Variants in SLC9A2 observed in about 807,000 individuals in gnomAD.
SLC9A2 encodes sodium/hydrogen exchanger 2.
Under a neutral mutation model 71.7 loss-of-function variants are expected in SLC9A2, and 42 were observed. The ratio of observed to expected loss-of-function variants is 0.59; its 90% CI spans 0.46 to 0.76. The LOEUF (loss-of-function observed/expected upper bound fraction) is 0.76, where lower values mean the gene tolerates loss of function less well. Among genes scored for constraint, SLC9A2 ranks in the 30% least tolerant of loss-of-function variants. The pLI, the probability that SLC9A2 is intolerant of heterozygous loss-of-function variation, is 0.00. For synonymous variants in SLC9A2, 396 were observed against 392.5 expected (o/e 1.01, Z -0.10); for missense variants, 829 against 1,017.4 (o/e 0.81, Z 2.52).
At chr2:102,655,140 T>G in intron 1 of SLC9A2, among the ~76,000 whole-genome samples, 1 of 152,132 alleles carries the variant, frequency 6.6e-6, no homozygotes, top group East Asian at 1.9e-4. Flanking sequence ...GTAATAACAC[T>G]TAGCTTGAAA....
At chr2:102,635,088 C>T (rs114529518) in intron 1 of SLC9A2, among the ~76,000 whole-genome samples, 1,556 of 152,312 alleles carry the variant, frequency 0.01, 26 homozygotes, top group African/African-American at 0.036. Flanking sequence ...TGGAAAGAAT[C>T]TTAAAGTAAA....
At chr2:102,691,650 G>T (rs2215944) in intron 5 of SLC9A2, among the ~76,000 whole-genome samples, 53,421 of 152,088 alleles carry the variant, frequency 0.35, 11,316 homozygotes, top group African/African-American at 0.6. Context: ...AAAGGGCGAC[G>T]ATTAAAAGGG....
chr2:102,630,644 A>G (rs960652039), intron 1 of SLC9A2, among the ~76,000 whole-genome samples: 4 of 151,578 alleles, frequency 2.6e-5, no homozygotes, highest in Non-Finnish European at 4.4e-5. Context: ...ATTTTATCTT[A>G]TCTTTTTTCC....
intron 1 of SLC9A2, among the ~76,000 whole-genome samples, chr2:102,649,187 G>A (rs1676785593): frequency 6.6e-6 from 1 of 152,152 alleles, no homozygotes; most frequent in Admixed American, 6.6e-5. Context: ...ACAACCATCT[G>A]ATCTTCGACA....
chr2:102,706,175 C>T (rs1336407259), intron 11 of SLC9A2, among the ~76,000 whole-genome samples: 2 of 53,694 alleles, frequency 3.7e-5, no homozygotes, highest in Non-Finnish European at 7.7e-5. Context: ...AAAAATTAGC[C>T]GGGCGCGGTG....
At chr2:102,648,366 A>G (rs190889412) in intron 1 of SLC9A2, among the ~76,000 whole-genome samples, 6 of 152,338 alleles carry the variant, frequency 3.9e-5, no homozygotes, top group Admixed American at 3.9e-4. Flanking sequence ...GCTATTTATG[A>G]CAAACCCATA....
chr2:102,686,025 C>A (rs184564420), intron 5 of SLC9A2, among the ~76,000 whole-genome samples: 2 of 152,056 alleles, frequency 1.3e-5, no homozygotes, highest in Non-Finnish European at 1.5e-5. Context: ...TAAGAATGAG[C>A]GATCGGTAAA....
chr2:102,704,478 T>G (rs1677934189), intron 9 of SLC9A2, 66 bp from the exon 10 acceptor site: 1 of 1,521,272 alleles, frequency 6.6e-7, no homozygotes, highest in Non-Finnish European at 9.0e-7. Flanking sequence ...AGTCTTGGAA[T>G]TTCTGGGGGA....
At chr2:102,705,819 A>T in intron 10 of SLC9A2, 27 bp from the exon 11 acceptor site, 2 of 1,389,538 alleles carry the variant, frequency 1.4e-6, no homozygotes, top group Non-Finnish European at 1.0e-6. Flanking sequence ...TGTATAGTTT[A>T]AGTAAGATTT....
chr2:102,637,228 C>G (rs532489106), intron 1 of SLC9A2, among the ~76,000 whole-genome samples: 1 of 152,254 alleles, frequency 6.6e-6, no homozygotes, highest in South Asian at 2.1e-4. Flanking sequence ...AAGAATACTC[C>G]GCATGTCCAA....
Position 102,657,616 on chromosome 2 carries a change from T to A in SLC9A2, c.342T>A (p.Leu114=), listed in dbSNP as rs772846751. 2.5e-6 allele frequency: 4 copies of A among 1,614,126 alleles called. No homozygotes were observed. Among genetic ancestry groups the A allele is most frequent in the Non-Finnish European group, 2.5e-6 (3 of 1,180,000 alleles). ...CAATAGTGCCTGAGAGCTGCCTTCTTATAATGGTTGGACTTCTACTAGGTG... is the reference window on the plus strand; with the variant it reads ...CAATAGTGCCTGAGAGCTGCCTTCTAATAATGGTTGGACTTCTACTAGGTG... ...LPTIVPESCL[L]IMVGLLLGGI... Residue 114 remains leucine, a synonymous_variant, in exon 2 of 12, where the codon CTT becomes CTA. Transcript: ENST00000233969.
intron 9 of SLC9A2, among the ~76,000 whole-genome samples, chr2:102,703,995 A>AAAAC (rs1245052126): frequency 2.6e-5 from 4 of 152,224 alleles, no homozygotes; most frequent in Non-Finnish European, 5.9e-5. Context: ...ATTCCTATTC[A>AAAAC]AAACAGACTG....
At chr2:102,649,116 C>A (rs1484456170) in intron 1 of SLC9A2, among the ~76,000 whole-genome samples, 1 of 152,086 alleles carries the variant, frequency 6.6e-6, no homozygotes, top group African/African-American at 2.4e-5. Flanking sequence ...GTACTGATAC[C>A]AAAATAGGTA....
intron 1 of SLC9A2, among the ~76,000 whole-genome samples, chr2:102,650,781 T>C (rs553150524): frequency 6.6e-6 from 1 of 152,324 alleles, no homozygotes; most frequent in East Asian, 1.9e-4. Flanking sequence ...TAAGAACATA[T>C]GGCGATGTGT....
chr2:102,641,764 G>T (rs1676585738), intron 1 of SLC9A2, among the ~76,000 whole-genome samples: 1 of 151,944 alleles, frequency 6.6e-6, no homozygotes, highest in African/African-American at 2.4e-5. Context: ...CACATTTCAT[G>T]ATGGTGAGTG....
chr2:102,632,029 T>TACACAC (rs1676367524), intron 1 of SLC9A2, among the ~76,000 whole-genome samples: 1 of 71,940 alleles, frequency 1.4e-5, no homozygotes, highest in African/African-American at 5.1e-5. Flanking sequence ...TATATATATA[T>TACACAC]ATATATATAC....
rs1678074694 is a variant in SLC9A2 at position 102,710,042 on chromosome 2, T to G, written c.*1553T>G. The G allele has an allele frequency of 6.5e-6, 1 of 152,736 alleles. No homozygotes were observed. Among genetic ancestry groups the G allele is most frequent in the Non-Finnish European group, 1.5e-5 (1 of 68,028 alleles). The allele number at this position is 152,736 out of a possible 1,614,324, so 9.5% of individuals were successfully genotyped here. ...AAGGAGAAGTCAATCTACACTTTTT[T>G]CTCATGTTCTAAAGTCTTAGAATAC... On this transcript the variant is annotated 3_prime_UTR_variant, in exon 12 of 12. Coordinates refer to ENST00000233969, the MANE Select transcript of SLC9A2 (RefSeq NM_003048.6).
chr2:102,698,352 G>C (rs1245285747), intron 7 of SLC9A2, among the ~76,000 whole-genome samples: 1 of 152,178 alleles, frequency 6.6e-6, no homozygotes, highest in African/African-American at 2.4e-5. Flanking sequence ...CACGGCACAG[G>C]TGTGTCTATA....
intron 1 of SLC9A2, among the ~76,000 whole-genome samples, chr2:102,644,705 C>T (rs1175250540): frequency 6.6e-6 from 1 of 152,180 alleles, no homozygotes; most frequent in Non-Finnish European, 1.5e-5. Context: ...GTGCAGAACT[C>T]ATGGCAGTGT....
Sources: gnomAD v4.1 joint callset for allele counts (sites outside exome capture counted in the v4.1 genomes callset) on GRCh38, gnomAD v4.1.1 for gene constraint, MANE v1.5 for transcripts, NCBI Gene and HGNC (gene_info 2026-07-23, HGNC 2026-07-21) for gene names.